AGMO: variants seen among roughly 807,000 people sequenced by gnomAD.
AGMO encodes alkylglycerol monooxygenase, also known as glyceryl-ether monooxygenase.
A neutral mutation model predicts 60.2 loss-of-function variants in AGMO; 75 were observed. The observed-to-expected ratio is 1.25, with a 90% CI of 1.03 to 1.51. The LOEUF (loss-of-function observed/expected upper bound fraction) is 1.51, where lower values mean the gene tolerates loss of function less well. Ranked by LOEUF, AGMO falls within the 40% of genes most tolerant of loss-of-function variation. AGMO has a pLI of 0.00. For missense variants in AGMO, 763 were observed against 525.5 expected (o/e 1.45, Z -4.42); for synonymous variants, 261 against 177.1 (o/e 1.47, Z -3.76).
intron 12 of AGMO, among the ~76,000 whole-genome samples, chr7:15,346,006 T>C (rs541296877): frequency 6.0e-4 from 92 of 152,280 alleles, no homozygotes; most frequent in African/African-American, 2.1e-3. Flanking sequence ...TATTGATCAA[T>C]ATAGCTGAAC....
chr7:15,556,642 A>C (rs1183504912), intron 2 of AGMO, among the ~76,000 whole-genome samples: 1 of 152,096 alleles, frequency 6.6e-6, no homozygotes, highest in Non-Finnish European at 1.5e-5. Flanking sequence ...CAAGCAGGAA[A>C]AAAATGTGAT....
At chr7:15,360,107 T>A (rs1392843999) in intron 12 of AGMO, among the ~76,000 whole-genome samples, 1 of 152,230 alleles carries the variant, frequency 6.6e-6, no homozygotes, top group Non-Finnish European at 1.5e-5. Flanking sequence ...ACTTTTTGTA[T>A]GTATAATCTT....
At chr7:15,510,379 T>C (rs982237619) in intron 3 of AGMO, among the ~76,000 whole-genome samples, 13 of 151,882 alleles carry the variant, frequency 8.6e-5, no homozygotes, top group Non-Finnish European at 2.9e-5. Flanking sequence ...GATGGTGCCA[T>C]GTTGCCCAGG....
chr7:15,299,094 G>A (rs1345291792), intron 12 of AGMO, among the ~76,000 whole-genome samples: 1 of 151,976 alleles, frequency 6.6e-6, no homozygotes, highest in African/African-American at 2.4e-5. Flanking sequence ...CCCAGTAGTT[G>A]GATTCTTCTT....
chr7:15,183,169 G>C, the AGMO span, among the ~76,000 whole-genome samples: 1 of 151,512 alleles, frequency 6.6e-6, no homozygotes, highest in Non-Finnish European at 1.5e-5. Flanking sequence ...AGCAACTGAA[G>C]AGGGGTCTGC....
chr7:15,150,099 T>C, the AGMO span, among the ~76,000 whole-genome samples: 1 of 152,086 alleles, frequency 6.6e-6, no homozygotes, highest in Non-Finnish European at 1.5e-5. Context: ...GCCCTCAGCT[T>C]GGACATTATT....
intron 3 of AGMO, among the ~76,000 whole-genome samples, chr7:15,455,816 C>T (rs758031442): frequency 6.6e-6 from 1 of 152,030 alleles, no homozygotes; most frequent in Non-Finnish European, 1.5e-5. Flanking sequence ...TTTTGTTCAC[C>T]TCTTTGGAAG....
intron 12 of AGMO, among the ~76,000 whole-genome samples, chr7:15,281,291 T>C (rs1162522104): frequency 1.3e-5 from 2 of 152,150 alleles, no homozygotes; most frequent in Non-Finnish European, 2.9e-5. Flanking sequence ...TTTCTCCCCT[T>C]GTCCACCACT....
chr7:15,258,406 G>C lies in AGMO; in HGVS notation c.1264-57047C>G, dbSNP rs559125302. Among the ~76,000 whole-genome samples the C allele has an allele frequency of 4.6e-5, 7 of 151,456 alleles. No individual in the cohort carries two copies. The South Asian group carries it at 6.3e-4, about 14-fold the overall frequency. Reference sequence around the variant, plus strand: ...TGTCTGTATTTAAAAATACTGATTCGTGGTGGCAGGCGCCTGTAGTCCCAG... The same window carrying C: ...TGTCTGTATTTAAAAATACTGATTCCTGGTGGCAGGCGCCTGTAGTCCCAG... On this transcript the variant is annotated intron_variant, in intron 12 of 12. Coordinates refer to ENST00000342526, the MANE Select transcript of AGMO (RefSeq NM_001004320.2).
chr7:15,284,771 A>AAC (rs925427484), intron 12 of AGMO, among the ~76,000 whole-genome samples: 1 of 152,008 alleles, frequency 6.6e-6, no homozygotes, highest in Non-Finnish European at 1.5e-5. Flanking sequence ...TAACAACAAC[A>AAC]ACAAAAAAGA....
intron 12 of AGMO, among the ~76,000 whole-genome samples, chr7:15,314,901 G>C (rs963697100): frequency 2.6e-5 from 4 of 152,186 alleles, no homozygotes; most frequent in Admixed American, 2.0e-4. Flanking sequence ...GGGAAAATCA[G>C]AGAGATTACA....
intron 12 of AGMO, among the ~76,000 whole-genome samples, chr7:15,285,945 G>C (rs1005277839): frequency 2.0e-5 from 3 of 152,082 alleles, no homozygotes; most frequent in African/African-American, 7.2e-5. Context: ...ACTGAGGCTT[G>C]AGAAAGCATT....
chr7:15,347,081 A>G (rs192075635), intron 12 of AGMO, among the ~76,000 whole-genome samples: 84 of 152,166 alleles, frequency 5.5e-4, no homozygotes, highest in African/African-American at 1.8e-3. Flanking sequence ...ATTAAAATGA[A>G]TCAAACTTTA....
the AGMO span, among the ~76,000 whole-genome samples, chr7:15,132,682 G>A: frequency 6.6e-6 from 1 of 152,196 alleles, no homozygotes; most frequent in African/African-American, 2.4e-5. Flanking sequence ...GATCGTGGCT[G>A]AAGATCAACT....
chr7:15,455,452 A>T (rs1218823842), intron 3 of AGMO, among the ~76,000 whole-genome samples: 1 of 152,002 alleles, frequency 6.6e-6, no homozygotes, highest in Non-Finnish European at 1.5e-5. Context: ...GGTTGGCTTC[A>T]TATTTTTCCT....
At chr7:15,415,041 A>G (rs933959958) in intron 5 of AGMO, among the ~76,000 whole-genome samples, 66 of 152,304 alleles carry the variant, frequency 4.3e-4, no homozygotes, top group Admixed American at 3.9e-3. Context: ...TTTCAAAAGT[A>G]ATCCTAGAAG....
chr7:15,218,022 T>C (rs959314176), intron 12 of AGMO, among the ~76,000 whole-genome samples: 1 of 151,934 alleles, frequency 6.6e-6, no homozygotes. Flanking sequence ...CATATCAAAA[T>C]TGAGGGATAC....
At chr7:15,121,052 TGTAA>T in the AGMO span, among the ~76,000 whole-genome samples, 1 of 152,070 alleles carries the variant, frequency 6.6e-6, no homozygotes, top group South Asian at 2.1e-4. Flanking sequence ...AGTTCCCACA[TGTAA>T]GTGAGAACAT....
chr7:15,497,143 T>G (rs1230701569), intron 3 of AGMO, among the ~76,000 whole-genome samples: 1 of 152,192 alleles, frequency 6.6e-6, no homozygotes, highest in African/African-American at 2.4e-5. Flanking sequence ...AGCCAGTGTT[T>G]GTTGAGCAGT....
Sources: allele counts gnomAD v4.1 joint callset (sites outside exome capture counted in the v4.1 genomes callset), GRCh38; gene constraint gnomAD v4.1.1; transcripts MANE v1.5; gene names NCBI Gene and HGNC (gene_info 2026-07-23, HGNC 2026-07-21).